ACADSB: variants seen among roughly 807,000 people sequenced by gnomAD.
ACADSB encodes the protein acyl-CoA dehydrogenase short/branched chain, also known as short/branched chain specific acyl-CoA dehydrogenase, mitochondrial.
In ACADSB, 40 loss-of-function variants were observed where a neutral mutation model predicts 54.1. The observed-to-expected ratio is 0.74, with a 90% confidence interval of 0.57 to 0.96. The LOEUF (loss-of-function observed/expected upper bound fraction) is 0.96, where lower values mean the gene tolerates loss of function less well. Among genes scored for constraint, ACADSB ranks in the 40% least tolerant of loss-of-function variants. The pLI is 0.00. For missense variants in ACADSB, 530 were observed against 510.4 expected, an observed-to-expected ratio of 1.04 and a Z score of -0.37; for synonymous variants, 182 against 182.8, an observed-to-expected ratio of 1.00 and a Z score of 0.03.
intron 5 of ACADSB, 120 bp from the exon 6 acceptor site, chr10:123,042,926 T>C: frequency 8.8e-7 from 1 of 1,132,522 alleles, no homozygotes; most frequent in Non-Finnish European, 1.3e-6. Flanking sequence ...ATGTTGCAAT[T>C]CTGAGTCCAT....
At chr10:123,029,590 A>G (rs546905078) in intron 1 of ACADSB, among the ~76,000 whole-genome samples, 60 of 152,312 alleles carry the variant, frequency 3.9e-4, no homozygotes, top group Admixed American at 5.9e-4. Flanking sequence ...CTTTAACTCT[A>G]TACTATATTT....
At chr10:123,025,164 A>C (rs2133464883) in intron 1 of ACADSB, among the ~76,000 whole-genome samples, 1 of 152,306 alleles carries the variant, frequency 6.6e-6, no homozygotes, top group South Asian at 2.1e-4. Context: ...ATGAAAATAA[A>C]AGGCTTTTAG....
intron 6 of ACADSB, among the ~76,000 whole-genome samples, chr10:123,043,593 A>G (rs577696855): frequency 6.6e-6 from 1 of 152,282 alleles, no homozygotes; most frequent in East Asian, 1.9e-4. Context: ...GAAGATCCAG[A>G]TAGTTAGTGC....
intron 1 of ACADSB, among the ~76,000 whole-genome samples, chr10:123,012,539 C>T (rs2133452368): frequency 6.6e-6 from 1 of 152,066 alleles, no homozygotes; most frequent in East Asian, 1.9e-4. Flanking sequence ...GAGTTTGTTC[C>T]TTCTGATGTT....
chr10:123,055,284 GA>G lies in ACADSB; in HGVS notation c.*1523del. On this transcript the variant is annotated 3_prime_UTR_variant, in exon 11 of 11. Transcript: ENST00000358776. ...CACTTCTTACATGGCGGCAGCAAGA[GA>G]AAATGAGAAAGAAGCAAAAGTGGAA... 1 of 194,276 alleles carries G rather than the reference GA, an allele frequency of 5.1e-6. No individual in the cohort carries two copies. Among genetic ancestry groups the G allele is most frequent in the East Asian group, 1.6e-4 (1 of 6,274 alleles). 12.0% of individuals were successfully genotyped at this position (194,276 alleles called of 1,614,324 possible). A position where few individuals can be genotyped will look rare whatever the true frequency, so the allele number is the denominator to read the frequency against.
At chr10:123,016,299 TG>T (rs1423303663) in intron 1 of ACADSB, among the ~76,000 whole-genome samples, 1 of 152,244 alleles carries the variant, frequency 6.6e-6, no homozygotes, top group East Asian at 1.9e-4. Flanking sequence ...AGGGATGCCT[TG>T]TGGTCATAAC....
Position 123,057,647 on chromosome 10 carries a change from T to C in ACADSB, c.*3882T>C, listed in dbSNP as rs1049050440. The C allele has an allele frequency of 2.0e-5, 3 of 152,216 alleles. No homozygotes were observed. The highest frequency in any genetic ancestry group is 7.2e-5 in the African/African-American group (3 of 41,454). The allele number at this position is 152,216 out of a possible 1,614,324, so 9.4% of individuals were successfully genotyped here. ...GGATTCCACCCAACTGCCAAGTTAGTATTGTTAGAGATTTCATTTTACAAC... is the reference window on the plus strand; with the variant it reads ...GGATTCCACCCAACTGCCAAGTTAGCATTGTTAGAGATTTCATTTTACAAC... On this transcript the variant is annotated 3_prime_UTR_variant, in exon 11 of 11. Coordinates refer to ENST00000358776, the MANE Select transcript of ACADSB (RefSeq NM_001609.4).
At chr10:123,042,104 T>C (rs1354490236) in intron 5 of ACADSB, among the ~76,000 whole-genome samples, 1 of 151,846 alleles carries the variant, frequency 6.6e-6, no homozygotes, top group East Asian at 1.9e-4. Flanking sequence ...TATATGAGAC[T>C]ACAGGTGTGC....
intron 1 of ACADSB, among the ~76,000 whole-genome samples, chr10:123,012,557 G>A (rs1850050110): frequency 1.3e-5 from 2 of 152,146 alleles, no homozygotes; most frequent in Admixed American, 6.5e-5. Context: ...GTTCGGATGT[G>A]TTCGGAGTTT....
chr10:123,028,532 G>A lies in ACADSB; in HGVS notation c.43-5824G>A, dbSNP rs935210074. 4.6e-5 allele frequency among the ~76,000 whole-genome samples: 7 copies of A among 151,992 alleles called. 1 individual carries two copies. The highest frequency in any genetic ancestry group is 3.9e-4 in the Admixed American group (6 of 15,262). On this transcript the variant is annotated intron_variant, in intron 1 of 10. Transcript: ENST00000358776. ...TAAAAAATTATCTGGGTGTGGTGTCGCACACCTGGAGTCATAGCTAGTCAG... is the reference window on the plus strand; with the variant it reads ...TAAAAAATTATCTGGGTGTGGTGTCACACACCTGGAGTCATAGCTAGTCAG...
At chr10:123,017,950 C>T (rs987754623) in intron 1 of ACADSB, among the ~76,000 whole-genome samples, 24 of 152,080 alleles carry the variant, frequency 1.6e-4, no homozygotes, top group Admixed American at 5.9e-4. Flanking sequence ...GCAGATGAAG[C>T]CTCCAGGTAG....
At chr10:123,011,949 C>T (rs1850042041) in intron 1 of ACADSB, among the ~76,000 whole-genome samples, 1 of 151,958 alleles carries the variant, frequency 6.6e-6, no homozygotes, top group Admixed American at 6.6e-5. Context: ...ACTCCTGGCT[C>T]AAGTGATTCT....
chr10:123,044,326 C>T, intron 6 of ACADSB, 67 bp from the exon 7 acceptor site: 1 of 1,393,624 alleles, frequency 7.2e-7, no homozygotes, highest in Non-Finnish European at 1.0e-6. Flanking sequence ...TGTGTACTTA[C>T]AAATATATAA....
At chr10:123,045,150 TA>T (rs1564752909) in intron 7 of ACADSB, among the ~76,000 whole-genome samples, 742 of 12,000 alleles carry the variant, frequency 0.062, 77 homozygotes, top group African/African-American at 0.17. Context: ...TATATATATA[TA>T]TATATATATA....
chr10:123,024,749 G>A (rs554647966), intron 1 of ACADSB, among the ~76,000 whole-genome samples: 26 of 152,204 alleles, frequency 1.7e-4, no homozygotes, highest in Admixed American at 1.3e-4. Flanking sequence ...GCAGCTCGTG[G>A]GGCTGGGCCC....
chr10:123,053,659 A>C (rs367803831), intron 10 of ACADSB, 36 bp from the exon 11 acceptor site: 2 of 1,573,554 alleles, frequency 1.3e-6, no homozygotes, highest in East Asian at 2.2e-5. Flanking sequence ...CCATGCGCCA[A>C]CTCCTCATTG....
At chr10:123,039,551 C>T (rs1306629426) in intron 3 of ACADSB, among the ~76,000 whole-genome samples, 2 of 152,184 alleles carry the variant, frequency 1.3e-5, no homozygotes, top group Non-Finnish European at 2.9e-5. Context: ...TAGTGTGGCT[C>T]TAGCAAACAC....
intron 1 of ACADSB, among the ~76,000 whole-genome samples, chr10:123,032,520 A>T (rs1589737682): frequency 6.7e-6 from 1 of 149,406 alleles, no homozygotes; most frequent in African/African-American, 2.5e-5. Flanking sequence ...TCAAGGCTCC[A>T]CCACCAGCCA....
chr10:123,030,292 G>A (rs949384294), intron 1 of ACADSB, among the ~76,000 whole-genome samples: 4 of 152,164 alleles, frequency 2.6e-5, no homozygotes, highest in African/African-American at 9.7e-5. Flanking sequence ...CTGGGAGGCC[G>A]AGATGGGCGG....
Sources: gnomAD v4.1 joint callset for allele counts (sites outside exome capture counted in the v4.1 genomes callset) on GRCh38, gnomAD v4.1.1 for gene constraint, MANE v1.5 for transcripts, NCBI Gene and HGNC (gene_info 2026-07-23, HGNC 2026-07-21) for gene names.